The following RADX variants were observed in gnomAD, a reference collection of about 807,000 sequenced individuals.
RADX encodes the protein RPA-related protein RADX.
In RADX, 36 loss-of-function variants were observed where a neutral mutation model predicts 61.6. That is an observed-to-expected ratio of 0.58 (90% confidence interval 0.45 to 0.77). The LOEUF is 0.77. Ranked by LOEUF, RADX falls within the 30% of genes least tolerant of loss-of-function variation. RADX has a pLI of 0.00. For synonymous variants in RADX, 272 were observed against 237.9 expected, an observed-to-expected ratio of 1.14 and a Z score of -1.32; for missense variants, 497 against 651.1, an observed-to-expected ratio of 0.76 and a Z score of 2.58.
At chrX:106,633,279 T>C (rs763688719) in intron 6 of RADX, 27 bp downstream of exon 6, 36 of 1,150,864 alleles carry the variant, frequency 3.1e-5, no homozygotes, top group Non-Finnish European at 4.2e-5. Context: ...ATTTTTATAT[T>C]ATGTTTGGAA....
intron 12 of RADX, 89 bp downstream of exon 12, chrX:106,662,394 C>CA: frequency 1.2e-6 from 1 of 867,013 alleles, no homozygotes; most frequent in East Asian, 3.3e-5. Context: ...GCCCCTCCCA[C>CA]AAAAACATTA....
At chrX:106,645,673 A>G (rs1927639470) in intron 10 of RADX, among the ~76,000 whole-genome samples, 1 of 110,480 alleles carries the variant, frequency 9.1e-6, no homozygotes, top group Non-Finnish European at 1.9e-5. Flanking sequence ...GACCTAACAT[A>G]TGATCTATCC....
rs1252168392 is a variant in RADX, at chrX:106,678,843, C to T, written c.*585C>T. 8.9e-6 allele frequency: 1 copy of T among 112,108 alleles called. No homozygotes were observed. The highest frequency in any genetic ancestry group is 9.5e-5 in the Admixed American group (1 of 10,539). The allele number at this position is 112,108 out of a possible 1,213,427, so 9.2% of individuals were successfully genotyped here. ...ATTAAATTGTCTTAAGGTTTTTCCA[C>T]TTCATTTTGTGACTTTGTGTGGTTC... On this transcript the variant is annotated 3_prime_UTR_variant, in exon 14 of 14. Transcript: ENST00000372548.
intron 6 of RADX, among the ~76,000 whole-genome samples, chrX:106,635,140 C>CT (rs1229596065): frequency 1.8e-5 from 2 of 110,128 alleles, no homozygotes; most frequent in Admixed American, 9.7e-5. Context: ...GGTAGTATGA[C>CT]TTTTTTTTTC....
At chrX:106,656,680 G>GGTC (rs1927948747) in intron 11 of RADX, among the ~76,000 whole-genome samples, 1 of 111,704 alleles carries the variant, frequency 9.0e-6, no homozygotes, top group Admixed American at 9.6e-5. Flanking sequence ...CAGAGCTCCT[G>GGTC]GTCATCAGAG....
At chrX:106,618,642 T>TA (rs1255310567) in intron 1 of RADX, among the ~76,000 whole-genome samples, 1 of 110,555 alleles carries the variant, frequency 9.0e-6, no homozygotes, top group Non-Finnish European at 1.9e-5. Context: ...CCATCTTTAA[T>TA]AAAAATACCT....
intron 10 of RADX, 58 bp downstream of exon 10, chrX:106,640,779 C>T: frequency 1.2e-6 from 1 of 823,657 alleles, no homozygotes; most frequent in Non-Finnish European, 1.7e-6. Flanking sequence ...GTTATCTCTA[C>T]CCTGTAAAAT....
chrX:106,651,211 C>T (rs758190202), intron 11 of RADX, among the ~76,000 whole-genome samples: 1 of 110,870 alleles, frequency 9.0e-6, no homozygotes, highest in East Asian at 2.8e-4. Flanking sequence ...ATCCTTAAAA[C>T]TACCAGAGAT....
At chrX:106,613,291 T>C (rs1926725534) in intron 1 of RADX, among the ~76,000 whole-genome samples, 1 of 111,861 alleles carries the variant, frequency 8.9e-6, no homozygotes, top group Non-Finnish European at 1.9e-5. Flanking sequence ...ATGGGAAGGC[T>C]TGACATTCTC....
At chrX:106,660,894 A>T (rs771261837) in intron 11 of RADX, among the ~76,000 whole-genome samples, 1 of 111,973 alleles carries the variant, frequency 8.9e-6, no homozygotes, top group South Asian at 3.8e-4. Flanking sequence ...TAATTGGCTC[A>T]CAGTTCCACA....
At position 106,667,240 on chromosome X, in the gene RADX, A is replaced by G. The variant is rs187094992; in HGVS notation, c.2270-1923A>G. On this transcript the variant is annotated intron_variant, in intron 12 of 13. Coordinates refer to ENST00000372548, the MANE Select transcript of RADX (RefSeq NM_018015.6). ...TCTGGGGAAAAACCATTCTAGGCAC[A>G]GAGGCAGCAAGCACAAAAGCCCTGA... 2.7e-5 allele frequency among the ~76,000 whole-genome samples: 3 copies of G among 112,243 alleles called. No homozygotes were observed. The East Asian group carries it at 8.4e-4, about 31-fold the overall frequency.
intron 9 of RADX, 115 bp downstream of exon 9, chrX:106,639,802 C>A (rs1263556891): frequency 1.7e-6 from 1 of 592,079 alleles, no homozygotes. Context: ...ATAATGTAAG[C>A]CTAAGAGAAA....
chrX:106,670,954 TA>T (rs1207469283), intron 13 of RADX, among the ~76,000 whole-genome samples: 4 of 111,539 alleles, frequency 3.6e-5, no homozygotes, highest in African/African-American at 1.3e-4. Flanking sequence ...ACATTCTTTA[TA>T]GTTTCTTTTT....
chrX:106,633,067 T>C (rs371791774), intron 5 of RADX, 44 bp downstream of exon 5: 40 of 1,165,021 alleles, frequency 3.4e-5, no homozygotes, highest in Non-Finnish European at 4.4e-5. Context: ...TTTCAGTGAA[T>C]AATTTTGTGT....
intron 13 of RADX, among the ~76,000 whole-genome samples, chrX:106,673,183 G>A (rs770572881): frequency 1.9e-4 from 21 of 111,503 alleles, no homozygotes; most frequent in Non-Finnish European, 3.2e-4. Flanking sequence ...TCTGCTTTTC[G>A]CAAGTAAATG....
At chrX:106,669,804 A>G (rs1273268192) in intron 13 of RADX, among the ~76,000 whole-genome samples, 3 of 112,025 alleles carry the variant, frequency 2.7e-5, no homozygotes, top group African/African-American at 9.7e-5. Context: ...TGTATTCCCA[A>G]TAGTGAAACT....
chrX:106,615,594 A>G (rs1603032791), intron 1 of RADX, among the ~76,000 whole-genome samples: 2 of 111,734 alleles, frequency 1.8e-5, no homozygotes, highest in East Asian at 5.6e-4. Flanking sequence ...TCCCCCATTT[A>G]TTCTTATTAT....
intron 3 of RADX, among the ~76,000 whole-genome samples, chrX:106,632,205 G>A (rs746412165): frequency 8.3e-4 from 93 of 111,697 alleles, no homozygotes; most frequent in Non-Finnish European, 6.2e-4. Flanking sequence ...TAACACACTG[G>A]AACATTATTC....
intron 11 of RADX, among the ~76,000 whole-genome samples, chrX:106,659,031 G>A (rs1928022333): frequency 2.7e-5 from 3 of 110,080 alleles, no homozygotes; most frequent in African/African-American, 9.9e-5. Context: ...CACGATCATG[G>A]CTCACTGCAG....
Sources: allele counts gnomAD v4.1 joint callset (sites outside exome capture counted in the v4.1 genomes callset), GRCh38; gene constraint gnomAD v4.1.1; transcripts MANE v1.5; gene names NCBI Gene and HGNC (gene_info 2026-07-23, HGNC 2026-07-21).